RPN1: variants seen among roughly 807,000 people sequenced by gnomAD.
RPN1 encodes the protein dolichyl-diphosphooligosaccharide--protein glycosyltransferase subunit 1.
RPN1 carries 12 observed loss-of-function variants against 55.5 expected under a neutral mutation model. The ratio of observed to expected loss-of-function variants is 0.22; its 90% CI spans 0.14 to 0.35. The LOEUF (loss-of-function observed/expected upper bound fraction) is 0.35, where lower values mean the gene tolerates loss of function less well. Among genes scored for constraint, RPN1 ranks in the 10% least tolerant of loss-of-function variants. RPN1 has a pLI of 1.00. For synonymous variants in RPN1, 317 were observed against 305.9 expected, an observed-to-expected ratio of 1.04 and a Z score of -0.38; for missense variants, 679 against 761.3, an observed-to-expected ratio of 0.89 and a Z score of 1.27.
chr3:128,644,140 TAGG>T (rs537849730), intron 2 of RPN1, among the ~76,000 whole-genome samples: 68 of 152,236 alleles, frequency 4.5e-4, no homozygotes, highest in African/African-American at 1.4e-3. Context: ...CAATCATAGA[TAGG>T]AGAATACTTG....
chr3:128,626,353 A>G (rs2069600044), intron 6 of RPN1, among the ~76,000 whole-genome samples: 2 of 152,194 alleles, frequency 1.3e-5, no homozygotes, highest in Admixed American at 6.5e-5. Flanking sequence ...GGAGGCTTGA[A>G]CAGATGCCTC....
At chr3:128,648,647 TCTC>T (rs1188373175) in intron 1 of RPN1, among the ~76,000 whole-genome samples, 2 of 152,086 alleles carry the variant, frequency 1.3e-5, no homozygotes, top group African/African-American at 2.4e-5. Flanking sequence ...AAAATATACA[TCTC>T]CTTGTTAAGT....
At chr3:128,620,670 C>A in intron 9 of RPN1, 77 bp from the exon 10 acceptor site, 1 of 1,456,446 alleles carries the variant, frequency 6.9e-7, no homozygotes, top group Admixed American at 1.8e-5. Context: ...ATCTCCCAGG[C>A]CTACAGACCC....
chr3:128,646,222 C>CA (rs397803037), intron 1 of RPN1, among the ~76,000 whole-genome samples: 5,404 of 67,368 alleles, frequency 0.08, 365 homozygotes, highest in South Asian at 0.17. Flanking sequence ...GACTCCGTCT[C>CA]AAAAAAAAAA....
rs762110508 is a variant in RPN1 at position 128,622,243 on chromosome 3, G to C, written c.1562C>G (p.Thr521Ser). 1.5e-5 allele frequency: 24 copies of C among 1,614,204 alleles called. No individual in the cohort carries two copies. The highest frequency in any genetic ancestry group is 2.5e-6 in the Non-Finnish European group (3 of 1,179,976). ...TLNSGKKSLE[T>S]EHKALTSEIA... ...CTCACTGGTCAAGGCCTTGTGTTCA[G>C]TCTCCAGGCTCTTCTTGCCACTGTT... is the stretch of plus-strand genomic sequence containing the variant. Residue 521 changes from threonine (T) to serine (S), a missense_variant, in exon 9 of 10, where the codon ACT becomes AGT. By Grantham distance (58) the Thr-to-Ser change is moderately conservative. This residue lies in a region of RPN1 where 306 missense variants were observed against 360.0 expected (regional missense o/e 0.85). Transcript: ENST00000296255.
chr3:128,626,854 A>G, intron 5 of RPN1, 22 bp from the exon 6 acceptor site: 1 of 1,604,968 alleles, frequency 6.2e-7, no homozygotes, highest in Non-Finnish European at 8.5e-7. Flanking sequence ...AGCAAGCATA[A>G]GCAATGATGT....
At chr3:128,642,661 A>G (rs2069734733) in intron 2 of RPN1, 2 of 152,028 alleles carry the variant, frequency 1.3e-5, no homozygotes. Context: ...GCACCACTGC[A>G]TTCCAGCCTG....
intron 8 of RPN1, among the ~76,000 whole-genome samples, chr3:128,623,939 A>G (rs2069579282): frequency 6.6e-6 from 1 of 152,084 alleles, no homozygotes; most frequent in Non-Finnish European, 1.5e-5. Flanking sequence ...ATTCAAGGGT[A>G]AAGGGGCACA....
intron 1 of RPN1, among the ~76,000 whole-genome samples, chr3:128,650,313 G>C (rs1470692360): frequency 1.3e-5 from 2 of 152,152 alleles, no homozygotes; most frequent in East Asian, 3.9e-4. Context: ...ACGTGGCCCA[G>C]GCAGGAGGGC....
intron 2 of RPN1, 129 bp from the exon 3 acceptor site, chr3:128,638,234 C>CT: frequency 1.5e-6 from 1 of 668,046 alleles, no homozygotes; most frequent in Non-Finnish European, 2.5e-6. Flanking sequence ...TCACCTTTTC[C>CT]TTTTTGAGAT....
intron 2 of RPN1, among the ~76,000 whole-genome samples, chr3:128,643,979 GC>G (rs1355445287): frequency 1.3e-5 from 2 of 152,128 alleles, no homozygotes; most frequent in African/African-American, 4.8e-5. Context: ...CACGCTAGGT[GC>G]TGAGGTCTGA....
chr3:128,641,192 T>C (rs1284697012), intron 2 of RPN1: 1 of 152,154 alleles, frequency 6.6e-6, no homozygotes, highest in Non-Finnish European at 1.5e-5. Flanking sequence ...TCAAACTGAT[T>C]TACTGAGAAC....
At chr3:128,641,207 T>C (rs1011458420) in intron 2 of RPN1, 18 of 152,024 alleles carry the variant, frequency 1.2e-4, no homozygotes, top group Non-Finnish European at 1.5e-4. Context: ...GAGAACCCCA[T>C]ATAGGTCAGT....
At position 128,650,594 on chromosome 3, in the gene RPN1, G is replaced by C. The variant is rs751607930; in HGVS notation, c.207C>G (p.Phe69Leu). The C allele has an allele frequency of 1.9e-6, 3 of 1,549,662 alleles. No homozygotes were observed. The highest frequency in any genetic ancestry group is 4.9e-5 in the East Asian group (2 of 40,958). ...CGAGCTCAGGCTCCAAAGCCAGCAG[G>C]AAAGAGGTAGCTCGGGACGTGGAGC... ...GGGSTSRATS[F>L]LLALEPELEA... is the part of the protein sequence containing the mutation. The change falls in exon 1 of 10, where the codon TTC (phenylalanine) becomes TTG (leucine). Residue 69 changes from phenylalanine to leucine, a missense_variant. Physicochemically the swap from Phe to Leu is conservative, Grantham distance 22 (BLOSUM62 0). This residue lies in a region of RPN1 where 352 missense variants were observed against 352.8 expected (regional missense o/e 1.00). Coordinates refer to ENST00000296255, the MANE Select transcript of RPN1 (RefSeq NM_002950.4).
At chr3:128,623,143 A>G (rs1015034011) in intron 8 of RPN1, among the ~76,000 whole-genome samples, 12 of 152,136 alleles carry the variant, frequency 7.9e-5, no homozygotes, top group African/African-American at 2.7e-4. Flanking sequence ...GGTGGGTCAC[A>G]CCTATAATCC....
At chr3:128,638,537 T>C (rs1364268298) in intron 2 of RPN1, among the ~76,000 whole-genome samples, 1 of 152,202 alleles carries the variant, frequency 6.6e-6, no homozygotes, top group Non-Finnish European at 1.5e-5. Flanking sequence ...TGGAGTGCAG[T>C]GGCATGATCT....
rs1355005155 is a variant in RPN1 at position 128,639,440 on chromosome 3, G to A, written c.327-1335C>T. ...CTGCACTCCAGCCGGGCGACAGAGC[G>A]AGATACCGTCTCAAGAAAAAAAAAA... On this transcript the variant is annotated intron_variant, in intron 2 of 9. Coordinates refer to ENST00000296255, the MANE Select transcript of RPN1 (RefSeq NM_002950.4). Among the ~76,000 whole-genome samples the A allele has an allele frequency of 5.1e-5, 7 of 137,536 alleles. No individual in the cohort carries two copies. The South Asian group carries it at 7.1e-4, about 14-fold the overall frequency. 90.2% of individuals were successfully genotyped at this position (137,536 alleles called of 152,430 possible).
intron 3 of RPN1, among the ~76,000 whole-genome samples, chr3:128,635,662 T>TATATATATATAG (rs1559755887): frequency 9.1e-6 from 1 of 110,184 alleles, no homozygotes; most frequent in African/African-American, 3.2e-5. Flanking sequence ...TATATATATA[T>TATATATATATAG]ATAGATATCT....
chr3:128,650,483 C>T, intron 1 of RPN1, 57 bp downstream of exon 1: 5 of 1,477,156 alleles, frequency 3.4e-6, no homozygotes, highest in Non-Finnish European at 4.5e-6. Context: ...GGGGGACCGC[C>T]AGGAAGGGAG....
Sources: allele counts gnomAD v4.1 joint callset (sites outside exome capture counted in the v4.1 genomes callset), GRCh38; gene constraint gnomAD v4.1.1; regional missense constraint gnomAD v4.1.1; transcripts MANE v1.5; gene names NCBI Gene and HGNC (gene_info 2026-07-23, HGNC 2026-07-21).